The following SLC4A7 variants were observed in gnomAD, a reference collection of about 807,000 sequenced individuals.
The protein encoded by SLC4A7 is sodium bicarbonate cotransporter 3.
SLC4A7 carries 51 observed loss-of-function variants against 137.6 expected under a neutral mutation model. The observed-to-expected ratio is 0.37, with a 90% CI of 0.30 to 0.47. The LOEUF (loss-of-function observed/expected upper bound fraction) is 0.47. Among genes scored for constraint, SLC4A7 ranks in the 20% least tolerant of loss-of-function variants. SLC4A7 has a pLI of 1.00. For missense variants in SLC4A7, 1,247 were observed against 1,525.4 expected (o/e 0.82, Z 3.04); for synonymous variants, 542 against 518.6 (o/e 1.05, Z -0.61).
chr3:27,391,898 A>G, intron 20 of SLC4A7, 90 bp from the exon 21 acceptor site: 1 of 750,418 alleles, frequency 1.3e-6, no homozygotes, highest in South Asian at 1.9e-5. Context: ...GAATTAAAAG[A>G]TTTTTCAATC....
At chr3:27,458,282 ATT>A (rs1207305254) in intron 1 of SLC4A7, among the ~76,000 whole-genome samples, 1 of 152,130 alleles carries the variant, frequency 6.6e-6, no homozygotes, top group Non-Finnish European at 1.5e-5. Context: ...GATATTTAAT[ATT>A]TTCTATAAAA....
intron 3 of SLC4A7, among the ~76,000 whole-genome samples, chr3:27,446,648 C>G (rs2057658499): frequency 6.6e-6 from 1 of 152,026 alleles, no homozygotes; most frequent in African/African-American, 2.4e-5. Flanking sequence ...CATTTACTCA[C>G]AGAAGAACCT....
In SLC4A7 at chr3:27,376,490, C is replaced by G. The variant is rs1031018175; in HGVS notation, c.*274G>C. On this transcript the variant is annotated 3_prime_UTR_variant, in exon 26 of 26. Transcript: ENST00000454389. ...AGATTTAAGAAAAGTAGACTGAAAG[C>G]ATTTCTCCACATCCTTCTATTGCAA... is the stretch of plus-strand genomic sequence containing the variant. The G allele has an allele frequency of 8.8e-6, 2 of 226,332 alleles. No homozygotes were observed. The highest frequency in any genetic ancestry group is 5.6e-5 in the Admixed American group (1 of 17,834). 14.0% of individuals were successfully genotyped at this position (226,332 alleles called of 1,614,324 possible).
At chr3:27,452,318 A>T in intron 2 of SLC4A7, 99 bp downstream of exon 2, 2 of 762,552 alleles carry the variant, frequency 2.6e-6, no homozygotes, top group Non-Finnish European at 4.2e-6. Context: ...AATAACAAAA[A>T]AACTCAACAA....
chr3:27,395,737 G>A (rs2052082303), intron 18 of SLC4A7, among the ~76,000 whole-genome samples: 1 of 152,076 alleles, frequency 6.6e-6, no homozygotes, highest in Non-Finnish European at 1.5e-5. Context: ...AACAAATAAA[G>A]GGCTGTTATT....
intron 1 of SLC4A7, among the ~76,000 whole-genome samples, chr3:27,477,852 C>G (rs748597511): frequency 6.6e-6 from 1 of 152,004 alleles, no homozygotes; most frequent in Non-Finnish European, 1.5e-5. Context: ...TGAGCTCAGG[C>G]AATCCACCTG....
At chr3:27,458,760 G>A (rs889890444) in intron 1 of SLC4A7, among the ~76,000 whole-genome samples, 4 of 152,166 alleles carry the variant, frequency 2.6e-5, no homozygotes, top group African/African-American at 9.7e-5. Flanking sequence ...GGAGGCCGAG[G>A]TGGGCAGATT....
In SLC4A7 at chr3:27,391,923, G is replaced by A. The variant is rs182086867; in HGVS notation, c.3118-115C>T. On this transcript the variant is annotated intron_variant, in intron 20 of 25. Transcript: ENST00000454389. Reference sequence around the variant, plus strand: ...ATTTTTCAATCATGAGGATTAGACCGACCTAACATTTCCACACATAAGAAA... The same window carrying A: ...ATTTTTCAATCATGAGGATTAGACCAACCTAACATTTCCACACATAAGAAA... 2.3e-3 allele frequency: 1,310 copies of A among 570,130 alleles called. 1 individual carries two copies. Among genetic ancestry groups the A allele is most frequent in the Non-Finnish European group, 3.4e-3 (1,116 of 327,376 alleles). The allele number at this position is 570,130 out of a possible 1,614,324, so 35.3% of individuals were successfully genotyped here.
At chr3:27,467,567 G>A (rs1379771665) in intron 1 of SLC4A7, among the ~76,000 whole-genome samples, 1 of 152,168 alleles carries the variant, frequency 6.6e-6, no homozygotes, top group African/African-American at 2.4e-5. Flanking sequence ...CAAGAAAAGA[G>A]GAAGAAGAAA....
At chr3:27,454,350 C>T (rs2058277493) in intron 1 of SLC4A7, among the ~76,000 whole-genome samples, 1 of 152,066 alleles carries the variant, frequency 6.6e-6, no homozygotes, top group Admixed American at 6.6e-5. Flanking sequence ...CCTGTAATCC[C>T]AGCTACTCAG....
At chr3:27,420,278 T>A (rs2054830456) in intron 10 of SLC4A7, among the ~76,000 whole-genome samples, 1 of 152,260 alleles carries the variant, frequency 6.6e-6, no homozygotes, top group Middle Eastern at 3.4e-3. Flanking sequence ...AGAATCTGAT[T>A]ACAAATCTCT....
intron 25 of SLC4A7, among the ~76,000 whole-genome samples, chr3:27,378,051 T>C (rs2050068947): frequency 6.6e-6 from 1 of 152,182 alleles, no homozygotes; most frequent in South Asian, 2.1e-4. Context: ...GAACAATTAC[T>C]AATAGTAAAA....
intron 1 of SLC4A7, among the ~76,000 whole-genome samples, chr3:27,477,396 G>A (rs922832411): frequency 3.3e-5 from 5 of 152,080 alleles, no homozygotes; most frequent in East Asian, 1.9e-4. Flanking sequence ...GTGAACTCAC[G>A]GGCAGAGATT....
rs571462554 is a variant in SLC4A7 at position 27,373,646 on chromosome 3, G to T, written c.*3118C>A. ...ATAATCCTTTAAACAGCAAGCTCTG[G>T]TGTTATACCTCAGTTTCAGAAAGCA... On this transcript the variant is annotated 3_prime_UTR_variant, in exon 26 of 26. Coordinates refer to ENST00000454389, the MANE Select transcript of SLC4A7 (RefSeq NM_001321103.2). The T allele has an allele frequency of 1.4e-4, 22 of 152,218 alleles. 1 individual carries two copies. The South Asian group carries it at 3.5e-3, about 24-fold the overall frequency. 9.4% of individuals were successfully genotyped at this position (152,218 alleles called of 1,614,324 possible).
rs113400517 is a variant in SLC4A7 at position 27,373,032 on chromosome 3, G to A, written c.*3732C>T. 2.2e-3 allele frequency: 315 copies of A among 145,752 alleles called. No homozygotes were observed. The highest frequency in any genetic ancestry group is 6.2e-3 in the African/African-American group (245 of 39,364). The allele number at this position is 145,752 out of a possible 1,614,324, so 9.0% of individuals were successfully genotyped here. On this transcript the variant is annotated 3_prime_UTR_variant, in exon 26 of 26. Coordinates refer to ENST00000454389, the MANE Select transcript of SLC4A7 (RefSeq NM_001321103.2). ...AAATTCAATTTTTATTTATTTAAACGTAGTTAAACATTGGAAGACAATCTC... is the reference window on the plus strand; with the variant it reads ...AAATTCAATTTTTATTTATTTAAACATAGTTAAACATTGGAAGACAATCTC...
chr3:27,440,313 A>G (rs950018573), intron 3 of SLC4A7, among the ~76,000 whole-genome samples: 2 of 152,124 alleles, frequency 1.3e-5, no homozygotes, highest in African/African-American at 4.8e-5. Context: ...ACGTCACTGT[A>G]GCCACTTGCT....
intron 8 of SLC4A7, among the ~76,000 whole-genome samples, chr3:27,423,109 T>C (rs1227836675): frequency 6.6e-6 from 1 of 152,170 alleles, no homozygotes; most frequent in Non-Finnish European, 1.5e-5. Flanking sequence ...GCACAGCCAA[T>C]GTCCGTAATG....
At chr3:27,475,881 T>C (rs1301671595) in intron 1 of SLC4A7, among the ~76,000 whole-genome samples, 3 of 152,188 alleles carry the variant, frequency 2.0e-5, no homozygotes, top group African/African-American at 7.2e-5. Context: ...CATTTATGCA[T>C]GGATTGGCAA....
At chr3:27,443,750 T>C (rs1647196469) in intron 3 of SLC4A7, among the ~76,000 whole-genome samples, 1 of 152,218 alleles carries the variant, frequency 6.6e-6, no homozygotes. Context: ...ATACCAGAAC[T>C]GTCCTTACTT....
Sources: allele counts gnomAD v4.1 joint callset (sites outside exome capture counted in the v4.1 genomes callset), GRCh38; gene constraint gnomAD v4.1.1; transcripts MANE v1.5; gene names NCBI Gene and HGNC (gene_info 2026-07-23, HGNC 2026-07-21).